TTLL5: variants seen among roughly 807,000 people sequenced by gnomAD.
TTLL5 encodes the protein tubulin polyglutamylase TTLL5.
TTLL5 carries 132 observed loss-of-function variants against 168.4 expected under a neutral mutation model. The observed-to-expected ratio is 0.78, with a 90% CI of 0.68 to 0.91. The LOEUF is 0.91. Among genes scored for constraint, TTLL5 ranks in the 40% least tolerant of loss-of-function variants. The pLI is 0.00. For missense variants in TTLL5, 1,545 were observed against 1,581.5 expected (o/e 0.98, Z 0.39); for synonymous variants, 546 against 558.6 (o/e 0.98, Z 0.32).
intron 28 of TTLL5, among the ~76,000 whole-genome samples, chr14:75,861,619 C>G (rs75738153): frequency 0.015 from 2,213 of 152,216 alleles, 19 homozygotes; most frequent in South Asian, 0.025. Flanking sequence ...AATTTAGGCA[C>G]CCTTTCATTT....
chr14:75,912,136 G>A (rs1475439153), intron 31 of TTLL5, among the ~76,000 whole-genome samples: 1 of 151,744 alleles, frequency 6.6e-6, no homozygotes, highest in Non-Finnish European at 1.5e-5. Context: ...TGACAGCTCC[G>A]CCCTACTCAT....
intron 29 of TTLL5, among the ~76,000 whole-genome samples, chr14:75,869,780 A>AT (rs1210521231): frequency 7.0e-6 from 1 of 143,152 alleles, no homozygotes; most frequent in African/African-American, 2.6e-5. Context: ...TGTAAGTACT[A>AT]TTACATAAAT....
At chr14:75,922,939 C>G (rs1157119660) in intron 31 of TTLL5, among the ~76,000 whole-genome samples, 1 of 152,162 alleles carries the variant, frequency 6.6e-6, no homozygotes, top group Non-Finnish European at 1.5e-5. Context: ...GATTCAACTT[C>G]TTCCTGGTTT....
At chr14:75,736,596 G>C (rs1254227263) in intron 15 of TTLL5, among the ~76,000 whole-genome samples, 1 of 152,146 alleles carries the variant, frequency 6.6e-6, no homozygotes, top group African/African-American at 2.4e-5. Flanking sequence ...GTGTGGGCCA[G>C]GTGTTATGAG....
At chr14:75,924,740 C>A (rs150993999) in intron 31 of TTLL5, among the ~76,000 whole-genome samples, 5 of 152,008 alleles carry the variant, frequency 3.3e-5, no homozygotes, top group African/African-American at 4.8e-5. Flanking sequence ...ATCCTTCCCC[C>A]CTTTCTATTC....
At chr14:75,741,451 G>A (rs1126190) in intron 15 of TTLL5, among the ~76,000 whole-genome samples, 115,992 of 151,558 alleles carry the variant, frequency 0.77, 44,636 homozygotes, top group Admixed American at 0.81. Flanking sequence ...AGGCAAAGCT[G>A]CAGAATGACT....
chr14:75,938,478 T>C lies in TTLL5; in HGVS notation c.3824-15946T>C, dbSNP rs541811375. On this transcript the variant is annotated intron_variant, in intron 31 of 31. Coordinates refer to ENST00000298832, the MANE Select transcript of TTLL5 (RefSeq NM_015072.5). ...CAGTGAGCTCAGATGCCAAGACAGA[T>C]GACTTTATGTAAATTGCCTGTGAAT... Among the ~76,000 whole-genome samples the C allele has an allele frequency of 2.2e-3, 333 of 152,352 alleles. 3 individuals carry two copies. The highest frequency in any genetic ancestry group is 7.6e-3 in the African/African-American group (316 of 41,586).
In TTLL5 at chr14:75,922,020, CTTTG is replaced by C. The variant is rs534207176; in HGVS notation, c.3823+19815_3823+19818del. Reference sequence around the variant, plus strand: ...ATGGGAGTTCGCTCATGATTTGGCTCTTTGTTTGTTTGTTTGTTTGTTACTGGTG... The same window carrying C: ...ATGGGAGTTCGCTCATGATTTGGCTCTTTGTTTGTTTGTTTGTTACTGGTG... On this transcript the variant is annotated intron_variant, in intron 31 of 31. Coordinates refer to ENST00000298832, the MANE Select transcript of TTLL5 (RefSeq NM_015072.5). 1.4e-3 allele frequency among the ~76,000 whole-genome samples: 220 copies of C among 152,082 alleles called. 1 individual carries two copies. Among genetic ancestry groups the C allele is most frequent in the East Asian group, 0.011 (58 of 5,178 alleles).
At chr14:75,829,212 T>C (rs1240307654) in intron 28 of TTLL5, among the ~76,000 whole-genome samples, 1 of 152,190 alleles carries the variant, frequency 6.6e-6, no homozygotes, top group Admixed American at 6.5e-5. Context: ...GGGGCTTGGA[T>C]AGGCCAACAG....
At position 75,663,146 on chromosome 14, in the gene TTLL5, G is replaced by A. The variant is rs1041281433; in HGVS notation, c.-4G>A. On this transcript the variant is annotated 5_prime_UTR_variant, in exon 2 of 32. Coordinates refer to ENST00000298832, the MANE Select transcript of TTLL5 (RefSeq NM_015072.5). Reference sequence around the variant, plus strand: ...TGCTGACTGCATGACAAACCCTAAAGGAAATGCCAATCGTGATGGCCCGGG... The same window carrying A: ...TGCTGACTGCATGACAAACCCTAAAAGAAATGCCAATCGTGATGGCCCGGG... 16 of 1,613,358 alleles carry A rather than the reference G, an allele frequency of 9.9e-6. No homozygotes were observed. The highest frequency in any genetic ancestry group is 4.0e-5 in the African/African-American group (3 of 74,870).
intron 18 of TTLL5, among the ~76,000 whole-genome samples, chr14:75,758,251 A>C (rs1473443078): frequency 6.6e-6 from 1 of 152,356 alleles, no homozygotes; most frequent in East Asian, 1.9e-4. Context: ...AGTTTGCCAC[A>C]GAACTGAAAG....
chr14:75,744,488 T>C (rs2113576), intron 15 of TTLL5: 139,088 of 152,318 alleles, frequency 0.91, 63,818 homozygotes, highest in African/African-American at 0.94. Flanking sequence ...GGTAGTCACG[T>C]TTGTGCCAGG....
In TTLL5 at chr14:75,831,971, T is replaced by A. The variant is rs551887473; in HGVS notation, c.3326+11810T>A. On this transcript the variant is annotated intron_variant, in intron 28 of 31. Transcript: ENST00000298832. ...TTCTGATCACTTGCCAACGGAGGGGTAGAGTCCTCTTCTGTTTTGGGAACA... is the reference window on the plus strand; with the variant it reads ...TTCTGATCACTTGCCAACGGAGGGGAAGAGTCCTCTTCTGTTTTGGGAACA... Among the ~76,000 whole-genome samples, 33 of 152,246 alleles carry A rather than the reference T, an allele frequency of 2.2e-4. 1 individual carries two copies. In the South Asian group the frequency reaches 6.6e-3, roughly 31 times the overall value.
chr14:75,757,941 A>G (rs1890385989), intron 18 of TTLL5: 3 of 1,334,688 alleles, frequency 2.2e-6, no homozygotes, highest in Non-Finnish European at 2.9e-6. Context: ...ACTAAGCATA[A>G]TACCTTATAT....
chr14:75,773,973 G>A (rs866363437), intron 21 of TTLL5, among the ~76,000 whole-genome samples: 66 of 131,110 alleles, frequency 5.0e-4, no homozygotes, highest in Admixed American at 1.3e-3. Flanking sequence ...GAGAGAGAGA[G>A]AGAGAGAGAG....
At chr14:75,670,263 CTG>C (rs1883632071) in intron 3 of TTLL5, among the ~76,000 whole-genome samples, 1 of 151,686 alleles carries the variant, frequency 6.6e-6, no homozygotes, top group African/African-American at 2.4e-5. Context: ...CAGGATCTCA[CTG>C]TGTTGCCTAT....
chr14:75,674,436 T>TA lies in TTLL5; in HGVS notation c.181+4915dup, dbSNP rs1883987143. Among the ~76,000 whole-genome samples, 2 of 152,254 alleles carry TA rather than the reference T, an allele frequency of 1.3e-5. 1 individual carries two copies. Among genetic ancestry groups the TA allele is most frequent in the South Asian group, 4.1e-4 (2 of 4,834 alleles). ...TGAGAAGTGTATCTGGGGCAATAGT[T>TA]ACCTTCTGTTGATCTCATCGTGTTA... On this transcript the variant is annotated intron_variant, in intron 3 of 31. Transcript: ENST00000298832.
intron 25 of TTLL5, 119 bp downstream of exon 25, chr14:75,782,692 T>G: frequency 1.2e-6 from 1 of 853,388 alleles, no homozygotes; most frequent in Non-Finnish European, 1.7e-6. Context: ...AGAAATATTT[T>G]TCTTTTTCCT....
chr14:75,745,861 GA>G (rs566215557), intron 17 of TTLL5, among the ~76,000 whole-genome samples: 39 of 148,042 alleles, frequency 2.6e-4, no homozygotes, highest in Non-Finnish European at 4.6e-4. Flanking sequence ...ACCTTGATTT[GA>G]AAAAAAAAAT....
Sources: gnomAD v4.1 joint callset for allele counts (sites outside exome capture counted in the v4.1 genomes callset) on GRCh38, gnomAD v4.1.1 for gene constraint, MANE v1.5 for transcripts, NCBI Gene and HGNC (gene_info 2026-07-23, HGNC 2026-07-21) for gene names.